IMPG1: variants seen among roughly 807,000 people sequenced by gnomAD.
The protein encoded by IMPG1 is interphotoreceptor matrix proteoglycan 1, also known as interphotoreceptor matrix proteoglycan of 150 kDa.
IMPG1 carries 85 observed loss-of-function variants against 92.0 expected under a neutral mutation model. The observed-to-expected ratio is 0.92, with a 90% CI of 0.78 to 1.11. IMPG1 has a LOEUF of 1.11. IMPG1 is among the 50% of genes least tolerant of loss of function. IMPG1 has a pLI of 0.00. For missense variants in IMPG1, 1,022 were observed against 956.0 expected, an observed-to-expected ratio of 1.07 and a Z score of -0.91; for synonymous variants, 367 against 334.1, an observed-to-expected ratio of 1.10 and a Z score of -1.08.
intron 12 of IMPG1, among the ~76,000 whole-genome samples, chr6:75,984,245 T>C (rs1374180281): frequency 2.0e-5 from 3 of 152,186 alleles, no homozygotes; most frequent in African/African-American, 7.2e-5. Context: ...ACAATCAATA[T>C]GTTGAAAAGA....
In IMPG1 at chr6:76,011,196, C is replaced by G. The variant is rs201693766; in HGVS notation, c.836G>C (p.Gly279Ala). 2.6e-6 allele frequency: 4 copies of G among 1,554,446 alleles called. No homozygotes were observed. Among genetic ancestry groups the G allele is most frequent in the Non-Finnish European group, 3.5e-6 (4 of 1,127,560 alleles). ...TCCTAACACATGGATTTTTTTGAAT[C>G]CTGGAAGTTTCTTAAATATCTTTTG... ...QMQKIFKKLP[G>A]FKKIHVLGFR... Residue 279 changes from glycine (G) to alanine (A), a missense_variant, in exon 8 of 17, where the codon GGA (glycine) becomes GCA (alanine). Coordinates refer to ENST00000369950, the MANE Select transcript of IMPG1 (RefSeq NM_001563.4).
chr6:75,966,946 G>C lies in IMPG1; in HGVS notation c.1292-15852C>G, dbSNP rs192429936. Among the ~76,000 whole-genome samples, 406 of 152,304 alleles carry C rather than the reference G, an allele frequency of 2.7e-3. 1 individual carries two copies. Among genetic ancestry groups the C allele is most frequent in the African/African-American group, 9.3e-3 (388 of 41,566 alleles). On this transcript the variant is annotated intron_variant, in intron 12 of 16. Transcript: ENST00000369950. ...TAATCCCAGCACTTTGTGAGGCCGA[G>C]GTGGGCAGATCATCTGAGGTCAGGA...
rs1562354768 is a variant in IMPG1, at chr6:75,974,387, CTTTCTTTTCTTTCT to C, written c.1292-23307_1292-23294del. On this transcript the variant is annotated intron_variant, in intron 12 of 16. Coordinates refer to ENST00000369950, the MANE Select transcript of IMPG1 (RefSeq NM_001563.4). ...TCTTTCTTTCTTTCTTTCTTTCTTT[CTTTCTTTTCTTTCT>C]TTCCTTCCTTCCTTCCTTCCTTCCT... Among the ~76,000 whole-genome samples the C allele has an allele frequency of 2.6e-3, 157 of 60,916 alleles. 1 individual carries two copies. The highest frequency in any genetic ancestry group is 8.7e-3 in the African/African-American group (150 of 17,190). 40.0% of individuals were successfully genotyped at this position (60,916 alleles called of 152,430 possible). A position where few individuals can be genotyped will look rare whatever the true frequency, so the allele number is the denominator to read the frequency against.
At chr6:76,055,140 A>G (rs1345392655) in intron 1 of IMPG1, among the ~76,000 whole-genome samples, 1 of 152,068 alleles carries the variant, frequency 6.6e-6, no homozygotes, top group Admixed American at 6.6e-5. Context: ...CAGAGGGAAA[A>G]TAAACAAACA....
intron 12 of IMPG1, among the ~76,000 whole-genome samples, chr6:75,991,480 G>A (rs1054775652): frequency 2.0e-5 from 3 of 151,996 alleles, no homozygotes; most frequent in African/African-American, 7.2e-5. Context: ...CCAGATAAGG[G>A]AACATGATAC....
chr6:75,967,031 T>TA (rs1241727923), intron 12 of IMPG1, among the ~76,000 whole-genome samples: 1 of 151,872 alleles, frequency 6.6e-6, no homozygotes, highest in East Asian at 1.9e-4. Context: ...TACAAAAAAT[T>TA]AGCGGGGTGT....
At chr6:76,001,114 G>GTATATTCTATGTTCTA (rs1782980159) in intron 12 of IMPG1, among the ~76,000 whole-genome samples, 1 of 152,016 alleles carries the variant, frequency 6.6e-6, no homozygotes, top group African/African-American at 2.4e-5. Flanking sequence ...AGTGTTCTAT[G>GTATATTCTATGTTCTA]GTATATTCAT....
chr6:76,027,814 C>G (rs191825323), intron 4 of IMPG1, among the ~76,000 whole-genome samples: 2 of 152,276 alleles, frequency 1.3e-5, no homozygotes, highest in Admixed American at 6.5e-5. Context: ...TTGGAGTCAT[C>G]ATTTTGGCAC....
chr6:75,982,932 C>T (rs537374735), intron 12 of IMPG1, among the ~76,000 whole-genome samples: 1 of 152,136 alleles, frequency 6.6e-6, no homozygotes, highest in East Asian at 1.9e-4. Context: ...TCATCCATCC[C>T]TCCATCCATT....
At chr6:76,063,234 ATAAAT>A (rs1047537362) in intron 1 of IMPG1, among the ~76,000 whole-genome samples, 2 of 151,702 alleles carry the variant, frequency 1.3e-5, no homozygotes, top group Non-Finnish European at 2.9e-5. Flanking sequence ...ATAAAATGAA[ATAAAT>A]TAAATTAAAA....
intron 8 of IMPG1, among the ~76,000 whole-genome samples, chr6:76,008,509 C>T (rs1783132311): frequency 6.6e-6 from 1 of 152,148 alleles, no homozygotes; most frequent in African/African-American, 2.4e-5. Context: ...GTACATGCTA[C>T]AGGCATGCCA....
At chr6:75,952,507 C>T (rs1782049656) in intron 12 of IMPG1, among the ~76,000 whole-genome samples, 1 of 152,092 alleles carries the variant, frequency 6.6e-6, no homozygotes, top group Admixed American at 6.6e-5. Flanking sequence ...TTTTCTCTCA[C>T]CTGGGGAGGG....
intron 1 of IMPG1, among the ~76,000 whole-genome samples, chr6:76,063,244 TTAAAA>T (rs1280331735): frequency 1.3e-5 from 2 of 151,260 alleles, no homozygotes; most frequent in African/African-American, 4.8e-5. Context: ...ATAAATTAAA[TTAAAA>T]TAAAATAAGA....
intron 15 of IMPG1, 74 bp downstream of exon 15, chr6:75,930,879 T>C: frequency 7.6e-7 from 1 of 1,309,760 alleles, no homozygotes; most frequent in Non-Finnish European, 1.1e-6. Context: ...CATATGAATT[T>C]ACTCTAATGA....
rs1782994272 is a variant in IMPG1, at chr6:76,001,758, A to C, written c.1291+1160T>G. On this transcript the variant is annotated intron_variant, in intron 12 of 16. Coordinates refer to ENST00000369950, the MANE Select transcript of IMPG1 (RefSeq NM_001563.4). The stretch of plus-strand genomic sequence containing the variant: ...AAAGCTGTCCCTGCTGATCCCTGCC[A>C]AAATTACAGATTTATTGGCAAAATA... 1.3e-5 allele frequency among the ~76,000 whole-genome samples: 2 copies of C among 152,354 alleles called. 1 individual carries two copies. Among genetic ancestry groups the C allele is most frequent in the South Asian group, 4.1e-4 (2 of 4,828 alleles).
At chr6:75,933,178 A>C (rs1781691413) in intron 14 of IMPG1, among the ~76,000 whole-genome samples, 1 of 152,108 alleles carries the variant, frequency 6.6e-6, no homozygotes, top group Non-Finnish European at 1.5e-5. Flanking sequence ...GAGACTTGAG[A>C]TCAATAGCAG....
intron 4 of IMPG1, among the ~76,000 whole-genome samples, chr6:76,031,186 T>G (rs1783647466): frequency 6.6e-6 from 1 of 152,210 alleles, no homozygotes; most frequent in Non-Finnish European, 1.5e-5. Context: ...TAAAACTCAC[T>G]GAAAGGTTTG....
At chr6:76,043,433 G>T (rs372697725) in intron 1 of IMPG1, among the ~76,000 whole-genome samples, 1 of 152,098 alleles carries the variant, frequency 6.6e-6, no homozygotes, top group African/African-American at 2.4e-5. Flanking sequence ...GAGAAAGTCC[G>T]CCTGGGAACA....
intron 1 of IMPG1, among the ~76,000 whole-genome samples, chr6:76,047,214 C>A (rs12055849): frequency 6.6e-6 from 1 of 152,288 alleles, no homozygotes; most frequent in African/African-American, 2.4e-5. Flanking sequence ...CCTGCTTCCA[C>A]ACTGCAGTGC....
Sources: allele counts gnomAD v4.1 joint callset (sites outside exome capture counted in the v4.1 genomes callset), GRCh38; gene constraint gnomAD v4.1.1; transcripts MANE v1.5; gene names NCBI Gene and HGNC (gene_info 2026-07-23, HGNC 2026-07-21).